Variants in RPS9 observed in about 807,000 individuals in gnomAD.
RPS9 encodes small ribosomal subunit protein uS4.
Under a neutral mutation model 16.9 loss-of-function variants are expected in RPS9, and 1 was observed. That is an observed-to-expected ratio of 0.06 (90% CI 0.02 to 0.28). The LOEUF (loss-of-function observed/expected upper bound fraction) is 0.28. Among genes scored for constraint, RPS9 ranks in the 10% least tolerant of loss-of-function variants. RPS9 has a pLI of 1.00. For missense variants in RPS9, 137 were observed against 273.2 expected, an observed-to-expected ratio of 0.50 and a Z score of 3.51; for synonymous variants, 106 against 110.9, an observed-to-expected ratio of 0.96 and a Z score of 0.28.
chr19:54,204,788 C>CA (rs1276484448), intron 3 of RPS9, among the ~76,000 whole-genome samples: 1 of 152,244 alleles, frequency 6.6e-6, no homozygotes, highest in East Asian at 1.9e-4. Flanking sequence ...GTCCCAAACT[C>CA]ATTTTCATTG....
chr19:54,206,859 G>C, intron 4 of RPS9: 1 of 727,238 alleles, frequency 1.4e-6, no homozygotes. Context: ...TGGGTACTCA[G>C]TGTGCCCTTT....
At position 54,200,860 on chromosome 19, in the gene RPS9, C is replaced by A; in HGVS notation, c.-54C>A. ...GCGCAGCCGTGGCGCTTCCGCGCCT[C>A]TTTCTCAGTGACCGGGTGGTTTGCT... is the stretch of plus-strand genomic sequence containing the variant. On this transcript the variant is annotated 5_prime_UTR_variant, in exon 1 of 5. Coordinates refer to ENST00000302907, the MANE Select transcript of RPS9 (RefSeq NM_001013.4). 9.0e-7 allele frequency: 1 copy of A among 1,115,184 alleles called. No individual in the cohort carries two copies. The highest frequency in any genetic ancestry group is 1.1e-6 in the Non-Finnish European group (1 of 909,010). 69.1% of individuals were successfully genotyped at this position (1,115,184 alleles called of 1,614,324 possible).
chr19:54,202,517 G>A (rs759885098), intron 3 of RPS9: 1 of 978,000 alleles, frequency 1.0e-6, no homozygotes, highest in Non-Finnish European at 1.2e-6. Context: ...CTTTAGGAGG[G>A]CATGCAGATC....
Position 54,201,499 on chromosome 19 carries a change from T to C in RPS9, c.110T>C (p.Leu37Pro). Residue 37 changes from leucine to proline, a missense_variant, in exon 3 of 5, where the codon CTC (leucine) becomes CCC (proline). Leu to Pro is a moderately conservative substitution (Grantham distance 98). Around this residue, in one of 3 missense-constraint regions of RPS9, gnomAD observed 64 missense variants for 164.0 expected, o/e 0.39. Coordinates refer to ENST00000302907, the MANE Select transcript of RPS9 (RefSeq NM_001013.4). The part of the protein sequence containing the change: ...QELKLIGEYG[L>P]RNKREVWRVK... Reference sequence around the variant, plus strand: ...TTCTCCCCACCAGGCGAGTATGGGCTCCGGAACAAACGTGAGGTCTGGAGG... The same window carrying C: ...TTCTCCCCACCAGGCGAGTATGGGCCCCGGAACAAACGTGAGGTCTGGAGG... 6.2e-7 allele frequency: 1 copy of C among 1,614,024 alleles called. No individual in the cohort carries two copies. The highest frequency in any genetic ancestry group is 8.5e-7 in the Non-Finnish European group (1 of 1,179,972).
Position 54,207,478 on chromosome 19 carries a change from C to G in RPS9, c.488C>G (p.Ser163Cys). ...SQKHIDFSLR[S>C]PYGGGRPGRV... is the part of the protein sequence containing the mutation. ...AAGCACATCGACTTCTCTCTGCGCTCTCCCTACGGGGGTGGCCGCCCGGGC... is the reference window on the plus strand; with the variant it reads ...AAGCACATCGACTTCTCTCTGCGCTGTCCCTACGGGGGTGGCCGCCCGGGC... The change falls in exon 5 of 5, where the codon TCT becomes TGT. Residue 163 changes from serine (S) to cysteine (C), a missense_variant. By Grantham distance (112) the Ser-to-Cys change is moderately radical (BLOSUM62 -1). Around this residue, in one of 3 missense-constraint regions of RPS9, gnomAD observed 54 missense variants for 90.9 expected, o/e 0.59. Transcript: ENST00000302907. The G allele has an allele frequency of 6.2e-7, 1 of 1,613,604 alleles. No individual in the cohort carries two copies. The highest frequency in any genetic ancestry group is 8.5e-7 in the Non-Finnish European group (1 of 1,180,020).
At chr19:54,202,837 A>G in intron 3 of RPS9, 2 of 985,432 alleles carry the variant, frequency 2.0e-6, no homozygotes, top group South Asian at 4.7e-5. Context: ...AGATTATCAC[A>G]GTTTGTCCCA....
intron 3 of RPS9, chr19:54,202,613 C>A: frequency 6.1e-6 from 6 of 985,378 alleles, no homozygotes; most frequent in Non-Finnish European, 7.2e-6. Context: ...GTTTTAAAAT[C>A]TACTCTGAGA....
At chr19:54,202,794 G>C (rs1211700670) in intron 3 of RPS9, 2 of 985,274 alleles carry the variant, frequency 2.0e-6, no homozygotes, top group South Asian at 4.7e-5. Flanking sequence ...TCCATGTTAG[G>C]CGTTGAGAAA....
intron 2 of RPS9, 34 bp downstream of exon 2, chr19:54,201,315 C>A (rs1332854353): frequency 1.2e-6 from 2 of 1,613,862 alleles, no homozygotes; most frequent in East Asian, 4.5e-5. Flanking sequence ...AGTGGTTCGG[C>A]TTCCGGGAGG....
chr19:54,206,981 CTTGT>C, intron 4 of RPS9: 2 of 440,680 alleles, frequency 4.5e-6, no homozygotes, highest in South Asian at 3.0e-5. Flanking sequence ...TAGGCAGAGC[CTTGT>C]GTGTCAATGC....
rs2077033928 is a variant in RPS9, at chr19:54,201,159, G to A, written c.-25-1G>A. On this transcript the variant is annotated splice_acceptor_variant, in intron 1 of 4. Coordinates refer to ENST00000302907, the MANE Select transcript of RPS9 (RefSeq NM_001013.4). LOFTEE classifies it low-confidence loss of function (5UTR_SPLICE). ...TACGCTCACACTTCTCTCCCGCGCA[G>A]GCGCAGACGGGGAAGCGGAGCCAAC... 6.2e-7 allele frequency: 1 copy of A among 1,612,854 alleles called. No homozygotes were observed. The highest frequency in any genetic ancestry group is 1.3e-5 in the African/African-American group (1 of 74,898).
chr19:54,207,497 C>T lies in RPS9; in HGVS notation c.507C>T (p.Arg169=), dbSNP rs1405434420. 3 of 1,613,142 alleles carry T rather than the reference C, an allele frequency of 1.9e-6. No homozygotes were observed. The highest frequency in any genetic ancestry group is 3.3e-5 in the Admixed American group (2 of 59,990). The change falls in exon 5 of 5, where the codon CGC becomes CGT. Residue 169 remains arginine (R), a synonymous_variant. Transcript: ENST00000302907. ...FSLRSPYGGG[R]PGRVKRKNAK... ...TGCGCTCTCCCTACGGGGGTGGCCG[C>T]CCGGGCCGCGTGAAGAGGAAGAATG... is the stretch of plus-strand genomic sequence containing the variant.
At chr19:54,206,068 G>A (rs906685729) in intron 3 of RPS9, among the ~76,000 whole-genome samples, 14 of 152,264 alleles carry the variant, frequency 9.2e-5, no homozygotes, top group Non-Finnish European at 1.3e-4. Flanking sequence ...GATCCGTCTC[G>A]GACTCCCAAA....
intron 3 of RPS9, 179 bp downstream of exon 3, chr19:54,201,788 T>A: frequency 1.5e-6 from 2 of 1,356,996 alleles, no homozygotes; most frequent in Non-Finnish European, 1.9e-6. Flanking sequence ...CTTTGCCCTG[T>A]TTCTTAGGTG....
At chr19:54,202,677 T>A (rs774240424) in intron 3 of RPS9, 233 of 985,316 alleles carry the variant, frequency 2.4e-4, no homozygotes, top group Non-Finnish European at 2.8e-4. Flanking sequence ...AAGATTGGCA[T>A]TTGTATATCC....
At chr19:54,203,815 A>C (rs551409474) in intron 3 of RPS9, among the ~76,000 whole-genome samples, 1 of 135,622 alleles carries the variant, frequency 7.4e-6, no homozygotes, top group South Asian at 2.4e-4. Context: ...TGTAGGAGTC[A>C]TGTCCATTTT....
intron 3 of RPS9, 144 bp from the exon 4 acceptor site, chr19:54,206,132 C>A: frequency 1.3e-6 from 1 of 774,080 alleles, no homozygotes; most frequent in Non-Finnish European, 2.0e-6. Flanking sequence ...GTGGTTTTGA[C>A]AGTGACATGG....
chr19:54,202,411 T>C, intron 3 of RPS9: 1 of 984,248 alleles, frequency 1.0e-6, no homozygotes, highest in Non-Finnish European at 1.2e-6. Flanking sequence ...TGCTTGTTTT[T>C]TTAAGCTGGT....
chr19:54,207,368 C>A, intron 4 of RPS9, 30 bp from the exon 5 acceptor site: 1 of 1,579,532 alleles, frequency 6.3e-7, no homozygotes. Flanking sequence ...GTTTCTCCTC[C>A]AGTCCACCTC....
Sources: gnomAD v4.1 joint callset for allele counts (sites outside exome capture counted in the v4.1 genomes callset) on GRCh38, gnomAD v4.1.1 for gene constraint, gnomAD v4.1.1 regional missense constraint, MANE v1.5 for transcripts, NCBI Gene and HGNC (gene_info 2026-07-23, HGNC 2026-07-21) for gene names.